MPDZ: variants seen among roughly 807,000 people sequenced by gnomAD.
MPDZ encodes the protein multiple PDZ domain protein.
Under a neutral mutation model 239.1 loss-of-function variants are expected in MPDZ, and 234 were observed. The observed-to-expected ratio is 0.98, with a 90% CI of 0.88 to 1.09. The LOEUF (loss-of-function observed/expected upper bound fraction) is 1.09, where lower values mean the gene tolerates loss of function less well. Ranked by LOEUF, MPDZ falls within the 50% of genes least tolerant of loss-of-function variation. The pLI is 0.00. For synonymous variants in MPDZ, 1,048 were observed against 881.3 expected (o/e 1.19, Z -3.35); for missense variants, 3,175 against 2,510.0 (o/e 1.26, Z -5.66).
intron 1 of MPDZ, among the ~76,000 whole-genome samples, chr9:13,258,600 G>T (rs1004465164): frequency 2.6e-5 from 4 of 152,114 alleles, no homozygotes; most frequent in Admixed American, 1.3e-4. Flanking sequence ...CTACTTTTGG[G>T]TAACATTACT....
intron 1 of MPDZ, among the ~76,000 whole-genome samples, chr9:13,250,910 C>G (rs1967795101): frequency 6.6e-6 from 1 of 151,994 alleles, no homozygotes. Flanking sequence ...GAGTGCGTCA[C>G]TTGAGGTCAG....
intron 8 of MPDZ, 87 bp from the exon 9 acceptor site, chr9:13,217,381 A>G: frequency 1.1e-6 from 1 of 870,428 alleles, no homozygotes; most frequent in Non-Finnish European, 1.8e-6. Flanking sequence ...AAAAACCATG[A>G]TAAAATAAAG....
At chr9:13,193,106 G>T in intron 14 of MPDZ, 61 bp downstream of exon 14, 1 of 1,370,912 alleles carries the variant, frequency 7.3e-7, no homozygotes, top group South Asian at 2.1e-5. Flanking sequence ...ACCACATTAA[G>T]CCTCCTGCAA....
chr9:13,121,881 G>T lies in MPDZ; in HGVS notation c.5089C>A (p.Leu1697Met), dbSNP rs1169175093. The change falls in exon 38 of 47, where the codon CTG (leucine) becomes ATG (methionine). Residue 1697 changes from leucine to methionine, a missense_variant. By Grantham distance (15) the Leu-to-Met change is conservative. Transcript: ENST00000319217. ...CGCACTCTCTGTGGCGTCTGTCTCA[G>T]GACATTGATTGCTTCATCATGTGTG... ...KATHDEAINV[L>M]RQTPQRVRLT... 1.2e-6 allele frequency: 2 copies of T among 1,613,838 alleles called. No individual in the cohort carries two copies. Among genetic ancestry groups the T allele is most frequent in the Non-Finnish European group, 8.5e-7 (1 of 1,179,852 alleles).
Position 13,109,994 on chromosome 9 carries a change from A to C in MPDZ, c.5900T>G (p.Phe1967Cys), listed in dbSNP as rs1220390843. 2 of 1,613,326 alleles carry C rather than the reference A, an allele frequency of 1.2e-6. No individual in the cohort carries two copies. Among genetic ancestry groups the C allele is most frequent in the African/African-American group, 2.7e-5 (2 of 74,912 alleles). Residue 1967 changes from phenylalanine (F) to cysteine (C), a missense_variant, in exon 45 of 47, where the codon TTC becomes TGC. Phe to Cys is a radical substitution (Grantham distance 205). Coordinates refer to ENST00000319217, the MANE Select transcript of MPDZ (RefSeq NM_001378778.1). ...QQEPASSSLS[F>C]TGLTSSSIFQ... is the part of the protein sequence containing the mutation. The stretch of plus-strand genomic sequence containing the variant: ...TATACTGCTTGACGTCAGCCCAGTG[A>C]AAGAAAGACTGGAACTTGCAGGCTC...
chr9:13,155,297 C>T (rs746996649), intron 24 of MPDZ, among the ~76,000 whole-genome samples: 97 of 152,136 alleles, frequency 6.4e-4, no homozygotes, highest in Non-Finnish European at 1.0e-3. Flanking sequence ...TATAAACTTA[C>T]AGGCCAGCAA....
chr9:13,277,479 G>C (rs773565642), intron 1 of MPDZ, among the ~76,000 whole-genome samples: 3 of 152,180 alleles, frequency 2.0e-5, no homozygotes, highest in Non-Finnish European at 4.4e-5. Context: ...GCACACAAGG[G>C]TACAGGTGCC....
intron 38 of MPDZ, among the ~76,000 whole-genome samples, chr9:13,121,376 T>C (rs1453698029): frequency 6.6e-6 from 1 of 152,212 alleles, no homozygotes; most frequent in Non-Finnish European, 1.5e-5. Context: ...CACTCATCAA[T>C]AGATTCCTTT....
chr9:13,198,135 T>C (rs780932631), intron 12 of MPDZ, among the ~76,000 whole-genome samples: 14 of 152,130 alleles, frequency 9.2e-5, no homozygotes, highest in South Asian at 6.2e-4. Flanking sequence ...CTGGATCATA[T>C]GGTAGTTTAA....
At position 13,219,783 on chromosome 9, in the gene MPDZ, A is replaced by G. The variant is rs1303655619; in HGVS notation, c.877-15T>C. ...AAACGCCCATGCTGAGTAAAACAAT[A>G]TTGAATAATTAGACTATTATTATTT... is the stretch of plus-strand genomic sequence containing the variant. On this transcript the variant is annotated splice_polypyrimidine_tract_variant and intron_variant, in intron 7 of 46. Coordinates refer to ENST00000319217, the MANE Select transcript of MPDZ (RefSeq NM_001378778.1). The G allele has an allele frequency of 6.2e-7, 1 of 1,608,786 alleles. No homozygotes were observed. The highest frequency in any genetic ancestry group is 8.5e-7 in the Non-Finnish European group (1 of 1,176,108).
At position 13,221,049 on chromosome 9, in the gene MPDZ, T is replaced by C. The variant is rs892145892; in HGVS notation, c.876+323A>G. ...TGTGACTATAAAACAGCTGACTAGG[T>C]ATATAAATACGAATTATGACTATAA... On this transcript the variant is annotated intron_variant, in intron 7 of 46. Coordinates refer to ENST00000319217, the MANE Select transcript of MPDZ (RefSeq NM_001378778.1). Among the ~76,000 whole-genome samples, 16 of 152,070 alleles carry C rather than the reference T, an allele frequency of 1.1e-4. No homozygotes were observed. The East Asian group carries it at 1.2e-3, about 11-fold the overall frequency.
rs913004606 is a variant in MPDZ, at chr9:13,178,292, C to G, written c.2650-1875G>C. Among the ~76,000 whole-genome samples, 3 of 151,516 alleles carry G rather than the reference C, an allele frequency of 2.0e-5. No homozygotes were observed. The South Asian group carries it at 6.3e-4, about 32-fold the overall frequency. On this transcript the variant is annotated intron_variant, in intron 19 of 46. Coordinates refer to ENST00000319217, the MANE Select transcript of MPDZ (RefSeq NM_001378778.1). ...AAAAAAAAAAATTTGGTACATACTG[C>G]TAACTTGTGTTCCAATTTTCTCTTA... is the stretch of plus-strand genomic sequence containing the variant.
In MPDZ at chr9:13,123,153, C is replaced by T; in HGVS notation, c.4953G>A (p.Leu1651=). ...LSIVGGSDTL[L]GAIIIHEVYE... is the part of the protein sequence containing the mutation. Reference sequence around the variant, plus strand: ...AGAAGCACCTCTGGGTGGTGCTCACCAGCAGCGTGTCTGAACCCCCAACGA... The same window carrying T: ...AGAAGCACCTCTGGGTGGTGCTCACTAGCAGCGTGTCTGAACCCCCAACGA... Residue 1651 remains leucine (L), a splice_region_variant and synonymous_variant, in exon 36 of 47, where the codon CTG becomes CTA. Coordinates refer to ENST00000319217, the MANE Select transcript of MPDZ (RefSeq NM_001378778.1). The T allele has an allele frequency of 6.2e-7, 1 of 1,611,618 alleles. No individual in the cohort carries two copies. The highest frequency in any genetic ancestry group is 2.2e-5 in the East Asian group (1 of 44,846).
chr9:13,252,740 C>G (rs1968429204), intron 1 of MPDZ, among the ~76,000 whole-genome samples: 1 of 151,892 alleles, frequency 6.6e-6, no homozygotes, highest in African/African-American at 2.4e-5. Flanking sequence ...CCCAGCTGCT[C>G]CAAGAGGCTG....
intron 36 of MPDZ, among the ~76,000 whole-genome samples, chr9:13,122,510 A>C (rs1239138872): frequency 2.0e-5 from 3 of 151,210 alleles, no homozygotes; most frequent in African/African-American, 7.4e-5. Context: ...ACAAAGTATC[A>C]ATTTTTCAAA....
At chr9:13,196,816 G>T (rs1955711015) in intron 12 of MPDZ, among the ~76,000 whole-genome samples, 1 of 151,880 alleles carries the variant, frequency 6.6e-6, no homozygotes, top group Non-Finnish European at 1.5e-5. Flanking sequence ...AACAAATTTT[G>T]TAAACAATAC....
intron 1 of MPDZ, among the ~76,000 whole-genome samples, chr9:13,259,818 C>G (rs866012982): frequency 6.6e-6 from 1 of 152,050 alleles, no homozygotes. Context: ...CCATACTACT[C>G]TTAAAAAGTT....
chr9:13,278,656 G>A (rs985823587), intron 1 of MPDZ, among the ~76,000 whole-genome samples: 2 of 152,276 alleles, frequency 1.3e-5, no homozygotes, highest in South Asian at 4.2e-4. Context: ...CAGCGCGGGG[G>A]GTGAGGAGAC....
At chr9:13,178,693 C>T (rs552761203) in intron 19 of MPDZ, among the ~76,000 whole-genome samples, 16 of 152,216 alleles carry the variant, frequency 1.1e-4, no homozygotes, top group Non-Finnish European at 1.6e-4. Context: ...TTTATGGTGA[C>T]GAATAGACAT....
Sources: gnomAD v4.1 joint callset for allele counts (sites outside exome capture counted in the v4.1 genomes callset) on GRCh38, gnomAD v4.1.1 for gene constraint, MANE v1.5 for transcripts, NCBI Gene and HGNC (gene_info 2026-07-23, HGNC 2026-07-21) for gene names.